The following MAP2 variants were observed in gnomAD, a reference collection of about 807,000 sequenced individuals.
MAP2 encodes microtubule-associated protein 2.
Under a neutral mutation model 137.6 loss-of-function variants are expected in MAP2, and 14 were observed. That is an observed-to-expected ratio of 0.10 (90% CI 0.07 to 0.16). The LOEUF is 0.16. Among genes scored for constraint, MAP2 ranks in the 10% least tolerant of loss-of-function variants. The pLI is 1.00. For synonymous variants in MAP2, 786 were observed against 782.3 expected (o/e 1.00, Z -0.08); for missense variants, 2,088 against 2,191.5 (o/e 0.95, Z 0.94).
chr2:209,446,078 G>T lies in MAP2; in HGVS notation c.-222+21802G>T, dbSNP rs368092265. Among the ~76,000 whole-genome samples the T allele has an allele frequency of 3.3e-5, 5 of 151,708 alleles. No homozygotes were observed. The East Asian group carries it at 9.7e-4, about 29-fold the overall frequency. ...GTTTAAAATTGTTCAATTTAATGCC[G>T]TAATATGGTCATAAGCTTGATGTGT... On this transcript the variant is annotated intron_variant, in intron 1 of 15. Coordinates refer to ENST00000682079, the MANE Select transcript of MAP2 (RefSeq NM_001375505.1).
In MAP2 at chr2:209,710,212, C is replaced by T. The variant is rs778370893; in HGVS notation, c.5031C>T (p.Ile1677=). 4 of 1,601,962 alleles carry T rather than the reference C, an allele frequency of 2.5e-6. No individual in the cohort carries two copies. Among genetic ancestry groups the T allele is most frequent in the East Asian group, 2.3e-5 (1 of 44,272 alleles). Residue 1677 remains isoleucine, a synonymous_variant, in exon 13 of 16, where the codon ATC becomes ATT. Coordinates refer to ENST00000682079, the MANE Select transcript of MAP2 (RefSeq NM_001375505.1). ...LPDLKNVKSK[I]GSTDNIKYQP... The stretch of plus-strand genomic sequence containing the variant: ...ACCTGAAGAATGTCAAATCCAAAAT[C>T]GGATCAACAGACAACATCAAATACC...
chr2:209,482,061 C>T (rs986147886), intron 1 of MAP2, among the ~76,000 whole-genome samples: 3 of 152,014 alleles, frequency 2.0e-5, no homozygotes, highest in African/African-American at 7.3e-5. Context: ...AGAATGCACA[C>T]TAGGAAAAGC....
chr2:209,569,366 G>C (rs1379893871), intron 2 of MAP2, among the ~76,000 whole-genome samples: 2 of 151,726 alleles, frequency 1.3e-5, no homozygotes, highest in Non-Finnish European at 3.0e-5. Flanking sequence ...AATATTTATT[G>C]TGCACCAGTT....
intron 5 of MAP2, among the ~76,000 whole-genome samples, chr2:209,674,889 T>C (rs547343345): frequency 2.0e-5 from 3 of 151,920 alleles, no homozygotes; most frequent in African/African-American, 7.2e-5. Context: ...GCTCACCCAG[T>C]AGATCTGCTG....
intron 3 of MAP2, among the ~76,000 whole-genome samples, chr2:209,601,415 T>G (rs888360954): frequency 6.6e-6 from 1 of 152,150 alleles, no homozygotes; most frequent in Admixed American, 6.6e-5. Flanking sequence ...ATTTCACACT[T>G]TAGGCATGTG....
At chr2:209,704,638 T>G in intron 11 of MAP2, 1 of 1,568,082 alleles carries the variant, frequency 6.4e-7, no homozygotes, top group Non-Finnish European at 8.6e-7. Context: ...GGCAGGTCAA[T>G]AAAAGGTGCA....
At chr2:209,429,863 G>T (rs1156485116) in intron 1 of MAP2, among the ~76,000 whole-genome samples, 1 of 151,934 alleles carries the variant, frequency 6.6e-6, no homozygotes, top group South Asian at 2.1e-4. Context: ...TAATGAATTG[G>T]CATGAGAAAG....
rs374954491 is a variant in MAP2, at chr2:209,692,634, C to T, written c.464C>T (p.Thr155Ile). ...QTVTVEEDLL[T>I]ASKMEFHDQQ... ...AACCCGATTACTTCAGATTTACTTACAGCCTCGAAGATGGAGTTCCACGAT... is the reference window on the plus strand; with the variant it reads ...AACCCGATTACTTCAGATTTACTTATAGCCTCGAAGATGGAGTTCCACGAT... The change falls in exon 8 of 16, where the codon ACA (threonine) becomes ATA (isoleucine). Residue 155 changes from threonine to isoleucine, a missense_variant. By Grantham distance (89) the Thr-to-Ile change is moderately conservative. Transcript: ENST00000682079. 4 of 1,572,112 alleles carry T rather than the reference C, an allele frequency of 2.5e-6. No homozygotes were observed. The highest frequency in any genetic ancestry group is 3.4e-6 in the Non-Finnish European group (4 of 1,164,808).
At chr2:209,431,084 A>G (rs1229580646) in intron 1 of MAP2, among the ~76,000 whole-genome samples, 1 of 152,160 alleles carries the variant, frequency 6.6e-6, no homozygotes, top group Non-Finnish European at 1.5e-5. Context: ...CTTCAGTAGC[A>G]CCATATTGAG....
At chr2:209,698,205 G>A (rs114974154) in intron 10 of MAP2, among the ~76,000 whole-genome samples, 1,763 of 151,992 alleles carry the variant, frequency 0.012, 28 homozygotes, top group Non-Finnish European at 0.015. Context: ...TTATAAAACT[G>A]GTAAAACAAA....
At chr2:209,523,686 G>C (rs1396111785) in intron 2 of MAP2, among the ~76,000 whole-genome samples, 1 of 152,146 alleles carries the variant, frequency 6.6e-6, no homozygotes, top group Non-Finnish European at 1.5e-5. Context: ...AACTGCATGA[G>C]ACCTATTCAG....
intron 13 of MAP2, among the ~76,000 whole-genome samples, chr2:209,717,982 G>A (rs1360581287): frequency 6.6e-6 from 1 of 152,072 alleles, no homozygotes; most frequent in East Asian, 1.9e-4. Flanking sequence ...AATACTGTTG[G>A]TCAACACAGC....
intron 5 of MAP2, among the ~76,000 whole-genome samples, chr2:209,666,709 A>G (rs1282590215): frequency 6.6e-6 from 1 of 152,028 alleles, no homozygotes; most frequent in Non-Finnish European, 1.5e-5. Flanking sequence ...CTATCATCTT[A>G]TGATGGAATT....
Position 209,700,303 on chromosome 2 carries a change from C to A in MAP2, c.4549C>A (p.Pro1517Thr). 5 of 1,613,438 alleles carry A rather than the reference C, an allele frequency of 3.1e-6. No homozygotes were observed. The highest frequency in any genetic ancestry group is 4.2e-6 in the Non-Finnish European group (5 of 1,179,602). The change falls in exon 11 of 16, where the codon CCC (proline) becomes ACC (threonine). Residue 1517 changes from proline (P) to threonine (T), a missense_variant. Physicochemically the swap from Pro to Thr is conservative, Grantham distance 38. Transcript: ENST00000682079. ...AGCAGGTGGGGAATCAGCTCTGGCT[C>A]CCAGTGTATTTAAACAGGCAAAGGA... is the stretch of plus-strand genomic sequence containing the variant. Reference protein sequence around the residue: ...TAAGGESALAPSVFKQAKDKV... With the variant: ...TAAGGESALATSVFKQAKDKV...
chr2:209,453,914 G>A (rs1700870310), intron 1 of MAP2, among the ~76,000 whole-genome samples: 1 of 152,072 alleles, frequency 6.6e-6, no homozygotes, highest in South Asian at 2.1e-4. Flanking sequence ...AACTTTGGGA[G>A]GCCCAGACGG....
intron 5 of MAP2, among the ~76,000 whole-genome samples, chr2:209,672,869 G>A (rs1388863761): frequency 2.0e-5 from 3 of 151,770 alleles, no homozygotes; most frequent in Non-Finnish European, 4.4e-5. Flanking sequence ...GATACCGTTT[G>A]GGTTTCTTCA....
chr2:209,561,853 C>T (rs1435762483), intron 2 of MAP2, among the ~76,000 whole-genome samples: 2 of 152,180 alleles, frequency 1.3e-5, no homozygotes, highest in Non-Finnish European at 2.9e-5. Context: ...AGACCACCAA[C>T]TTAATGTAAG....
At chr2:209,609,957 AG>A (rs1458927127) in intron 3 of MAP2, among the ~76,000 whole-genome samples, 1 of 152,120 alleles carries the variant, frequency 6.6e-6, no homozygotes, top group African/African-American at 2.4e-5. Context: ...TGGAGCACTA[AG>A]TGTTTATGAT....
rs543368309 is a variant in MAP2, at chr2:209,700,322, C to G, written c.4568C>G (p.Ala1523Gly). ...CTGGCTCCCAGTGTATTTAAACAGG[C>G]AAAGGACAAAGTCTCTGTGAGTAAA... ...SALAPSVFKQ[A>G]KDKVSDGVTK... The change falls in exon 11 of 16, where the codon GCA (alanine) becomes GGA (glycine). Residue 1523 changes from alanine to glycine, a missense_variant. This residue lies in a region of MAP2 where 591 missense variants were observed against 642.6 expected (regional missense o/e 0.92). Coordinates refer to ENST00000682079, the MANE Select transcript of MAP2 (RefSeq NM_001375505.1). 1 of 1,613,074 alleles carries G rather than the reference C, an allele frequency of 6.2e-7. No homozygotes were observed. Among genetic ancestry groups the G allele is most frequent in the South Asian group, 1.1e-5 (1 of 90,934 alleles).
Sources: gnomAD v4.1 joint callset for allele counts (sites outside exome capture counted in the v4.1 genomes callset) on GRCh38, gnomAD v4.1.1 for gene constraint, gnomAD v4.1.1 regional missense constraint, MANE v1.5 for transcripts, NCBI Gene and HGNC (gene_info 2026-07-23, HGNC 2026-07-21) for gene names.